RIT2: variants seen among roughly 807,000 people sequenced by gnomAD.
RIT2 encodes Ras like without CAAX 2, also known as GTP-binding protein Rit2.
A neutral mutation model predicts 23.7 loss-of-function variants in RIT2; 24 were observed. That is an observed-to-expected ratio of 1.01 (90% CI 0.73 to 1.43). The LOEUF (loss-of-function observed/expected upper bound fraction) is 1.43, where lower values mean the gene tolerates loss of function less well. RIT2 is among the 40% of genes most tolerant of loss of function. The probability of loss-of-function intolerance (pLI) is 0.00; values close to 1 mark genes in which losing one functional copy is unlikely to be tolerated. For missense variants in RIT2, 236 were observed against 266.9 expected, an observed-to-expected ratio of 0.88 and a Z score of 0.81; for synonymous variants, 107 against 91.1, an observed-to-expected ratio of 1.17 and a Z score of -0.99.
intron 1 of RIT2, among the ~76,000 whole-genome samples, chr18:43,034,844 C>G (rs1264828554): frequency 6.6e-6 from 1 of 152,164 alleles, no homozygotes; most frequent in Non-Finnish European, 1.5e-5. Context: ...TAGCAAGAAT[C>G]TTCCTCCCCT....
At chr18:43,030,506 G>C (rs975799504) in intron 2 of RIT2, among the ~76,000 whole-genome samples, 3 of 151,986 alleles carry the variant, frequency 2.0e-5, no homozygotes, top group Non-Finnish European at 4.4e-5. Flanking sequence ...TTTGTTCTTA[G>C]AATTTTTTAT....
At chr18:43,056,171 G>A (rs1912498518) in intron 1 of RIT2, among the ~76,000 whole-genome samples, 2 of 152,048 alleles carry the variant, frequency 1.3e-5, no homozygotes, top group African/African-American at 2.4e-5. Flanking sequence ...TGCACATGCA[G>A]AAGCCTAACC....
intron 4 of RIT2, among the ~76,000 whole-genome samples, chr18:42,808,432 T>A (rs184167402): frequency 6.6e-6 from 1 of 152,302 alleles, no homozygotes; most frequent in East Asian, 1.9e-4. Flanking sequence ...ATCCTATTGT[T>A]AAAGGGAAGA....
At chr18:42,898,742 T>C (rs1371598981) in intron 4 of RIT2, among the ~76,000 whole-genome samples, 3 of 152,178 alleles carry the variant, frequency 2.0e-5, no homozygotes, top group African/African-American at 7.2e-5. Context: ...TTATCTTCGA[T>C]CTTGCCTGAC....
intron 2 of RIT2, among the ~76,000 whole-genome samples, chr18:42,995,589 T>G (rs1307391536): frequency 6.6e-6 from 1 of 152,138 alleles, no homozygotes; most frequent in East Asian, 1.9e-4. Flanking sequence ...TTTATATCCC[T>G]TACAGTCCTC....
chr18:42,784,270 TAAA>T (rs34931428), intron 4 of RIT2, among the ~76,000 whole-genome samples: 345 of 142,272 alleles, frequency 2.4e-3, no homozygotes, highest in African/African-American at 6.5e-3. Context: ...TCCCTTGCGC[TAAA>T]AAAAAAAAAA....
At chr18:43,082,040 G>C (rs1019487695) in intron 1 of RIT2, among the ~76,000 whole-genome samples, 1 of 151,896 alleles carries the variant, frequency 6.6e-6, no homozygotes, top group Non-Finnish European at 1.5e-5. Flanking sequence ...TTTTTTTGTT[G>C]GTAGGTTATT....
At position 42,882,690 on chromosome 18, in the gene RIT2, T is replaced by C. The variant is rs540708650; in HGVS notation, c.426+40882A>G. 3.9e-5 allele frequency among the ~76,000 whole-genome samples: 6 copies of C among 152,300 alleles called. No individual in the cohort carries two copies. In the South Asian group the frequency reaches 1.0e-3, roughly 26 times the overall value. Reference sequence around the variant, plus strand: ...GGGTCAATCAGTGAAACTCTAAGCATTGATTTCCACTTCTGACAAATGGGG... The same window carrying C: ...GGGTCAATCAGTGAAACTCTAAGCACTGATTTCCACTTCTGACAAATGGGG... On this transcript the variant is annotated intron_variant, in intron 4 of 4. Coordinates refer to ENST00000326695, the MANE Select transcript of RIT2 (RefSeq NM_002930.4).
intron 4 of RIT2, among the ~76,000 whole-genome samples, chr18:42,904,727 G>C (rs886418138): frequency 3.9e-5 from 6 of 152,002 alleles, no homozygotes; most frequent in Non-Finnish European, 7.4e-5. Context: ...AGAATTAGTT[G>C]GGATATATAA....
chr18:42,796,334 A>T (rs556878641), intron 4 of RIT2, among the ~76,000 whole-genome samples: 57 of 152,068 alleles, frequency 3.7e-4, no homozygotes, highest in Non-Finnish European at 7.1e-4. Flanking sequence ...ACCCACCAGA[A>T]GGAAGAAACT....
Position 42,783,139 on chromosome 18 carries a change from AT to A in RIT2, c.427-39420del, listed in dbSNP as rs546403838. Among the ~76,000 whole-genome samples, 12 of 152,270 alleles carry A rather than the reference AT, an allele frequency of 7.9e-5. No homozygotes were observed. In the South Asian group the frequency reaches 2.5e-3, roughly 32 times the overall value. On this transcript the variant is annotated intron_variant, in intron 4 of 4. Coordinates refer to ENST00000326695, the MANE Select transcript of RIT2 (RefSeq NM_002930.4). ...TGTCTTACCAAACACGTTTGTCCAG[AT>A]TCTGATGCCATGAATGGAATTAATT...
At chr18:42,994,846 C>A (rs1389380970) in intron 2 of RIT2, among the ~76,000 whole-genome samples, 1 of 152,062 alleles carries the variant, frequency 6.6e-6, no homozygotes, top group African/African-American at 2.4e-5. Context: ...CTTCCTCACA[C>A]CTGACACATA....
intron 1 of RIT2, among the ~76,000 whole-genome samples, chr18:43,114,247 A>G (rs1036986693): frequency 1.3e-5 from 2 of 152,080 alleles, no homozygotes; most frequent in Admixed American, 6.6e-5. Context: ...ATTTTTTATG[A>G]GAATTCTCTT....
intron 2 of RIT2, among the ~76,000 whole-genome samples, chr18:42,982,207 T>C (rs1214569277): frequency 6.6e-6 from 1 of 152,176 alleles, no homozygotes; most frequent in African/African-American, 2.4e-5. Flanking sequence ...GTGTAAGACC[T>C]GGAGTCCAAA....
intron 4 of RIT2, among the ~76,000 whole-genome samples, chr18:42,819,127 C>T (rs2143989379): frequency 6.6e-6 from 1 of 152,132 alleles, no homozygotes; most frequent in Admixed American, 6.5e-5. Context: ...GCGAGATACT[C>T]TTATCTAAAA....
At chr18:42,784,376 C>T (rs1460655365) in intron 4 of RIT2, among the ~76,000 whole-genome samples, 1 of 151,966 alleles carries the variant, frequency 6.6e-6, no homozygotes, top group Non-Finnish European at 1.5e-5. Flanking sequence ...TGGGTTTCAA[C>T]CACTGTGCTG....
rs567873587 is a variant in RIT2, at chr18:42,883,913, C to A, written c.426+39659G>T. On this transcript the variant is annotated intron_variant, in intron 4 of 4. Coordinates refer to ENST00000326695, the MANE Select transcript of RIT2 (RefSeq NM_002930.4). Reference sequence around the variant, plus strand: ...TAGCCCATTTGTAGCAGAACAATGTCTTTTTTGCCATGTGTAATGCTATAC... The same window carrying A: ...TAGCCCATTTGTAGCAGAACAATGTATTTTTTGCCATGTGTAATGCTATAC... Among the ~76,000 whole-genome samples the A allele has an allele frequency of 2.0e-5, 3 of 152,232 alleles. No individual in the cohort carries two copies. In the South Asian group the frequency reaches 6.2e-4, roughly 32 times the overall value.
At chr18:43,091,202 T>C (rs1015045873) in intron 1 of RIT2, among the ~76,000 whole-genome samples, 4 of 151,888 alleles carry the variant, frequency 2.6e-5, no homozygotes, top group African/African-American at 9.7e-5. Context: ...TGTATATACA[T>C]CAAACACTTA....
chr18:43,070,382 A>G (rs1912870463), intron 1 of RIT2, among the ~76,000 whole-genome samples: 1 of 152,164 alleles, frequency 6.6e-6, no homozygotes, highest in Non-Finnish European at 1.5e-5. Flanking sequence ...GTGATCCTCT[A>G]ATTTCTTCAT....
Sources: allele counts gnomAD v4.1 joint callset (sites outside exome capture counted in the v4.1 genomes callset), GRCh38; gene constraint gnomAD v4.1.1; transcripts MANE v1.5; gene names NCBI Gene and HGNC (gene_info 2026-07-23, HGNC 2026-07-21).